Variants in RFC3 observed in about 807,000 individuals in gnomAD.
The protein encoded by RFC3 is A1 38 kDa subunit.
Under a neutral mutation model 45.1 loss-of-function variants are expected in RFC3, and 41 were observed. That is an observed-to-expected ratio of 0.91 (90% CI 0.71 to 1.18). RFC3 has a LOEUF of 1.18. RFC3 is among the 50% of genes most tolerant of loss of function. The pLI is 0.00. For missense variants in RFC3, 423 were observed against 428.1 expected (o/e 0.99, Z 0.10); for synonymous variants, 149 against 144.0 (o/e 1.03, Z -0.25).
intron 8 of RFC3, among the ~76,000 whole-genome samples, chr13:33,870,451 A>G (rs147411895): frequency 1.5e-3 from 234 of 152,338 alleles, no homozygotes; most frequent in Non-Finnish European, 3.0e-3. Context: ...AATATACAAC[A>G]TTTTGCAACA....
intron 8 of RFC3, among the ~76,000 whole-genome samples, chr13:33,843,227 A>G (rs987057442): frequency 7.3e-5 from 11 of 151,612 alleles, no homozygotes; most frequent in Non-Finnish European, 1.0e-4. Flanking sequence ...CCTGTTTACA[A>G]TTTCTATGGA....
At chr13:33,886,651 T>C (rs765465650) in intron 8 of RFC3, among the ~76,000 whole-genome samples, 1 of 145,974 alleles carries the variant, frequency 6.9e-6, no homozygotes, top group Admixed American at 7.7e-5. Context: ...ATTATTATTA[T>C]ACTTTAAGTT....
At chr13:33,829,542 C>G (rs1019776711) in intron 4 of RFC3, 2 of 297,234 alleles carry the variant, frequency 6.7e-6, no homozygotes, top group African/African-American at 4.4e-5. Flanking sequence ...TTTACTAGCC[C>G]TGCCAACGCA....
intron 8 of RFC3, among the ~76,000 whole-genome samples, chr13:33,960,203 A>G (rs757593097): frequency 2.0e-5 from 3 of 152,194 alleles, no homozygotes; most frequent in African/African-American, 7.2e-5. Context: ...AAACTATATC[A>G]GTAACCAAAA....
intron 2 of RFC3, among the ~76,000 whole-genome samples, chr13:33,821,993 A>G (rs2082007900): frequency 6.6e-6 from 1 of 152,196 alleles, no homozygotes; most frequent in Non-Finnish European, 1.5e-5. Context: ...TCATTTTCAT[A>G]TCCTTCATAT....
Position 33,828,754 on chromosome 13 carries a change from G to A in RFC3, c.392-1082G>A, listed in dbSNP as rs3135589. Among the ~76,000 whole-genome samples the A allele has an allele frequency of 4.7e-3, 715 of 152,270 alleles. 3 individuals carry two copies. The highest frequency in any genetic ancestry group is 0.017 in the Middle Eastern group (5 of 294). ...TTGCCCAGGCTAGTGTTGAATTCTT[G>A]GGCTCAAGGGATCTGCCTTCCTCAG... On this transcript the variant is annotated intron_variant, in intron 4 of 8. Coordinates refer to ENST00000380071, the MANE Select transcript of RFC3 (RefSeq NM_002915.4).
downstream of RFC3, among the ~76,000 whole-genome samples, chr13:33,840,717 T>TA (rs1348681201): frequency 6.6e-6 from 1 of 151,610 alleles, no homozygotes; most frequent in African/African-American, 2.4e-5. Flanking sequence ...AACAAAAAAT[T>TA]TTTTTGAGAC....
At chr13:33,873,059 A>G (rs2082422821) in intron 8 of RFC3, among the ~76,000 whole-genome samples, 1 of 152,216 alleles carries the variant, frequency 6.6e-6, no homozygotes, top group African/African-American at 2.4e-5. Context: ...AAAGATTTCT[A>G]TGAACCTAAT....
At chr13:33,906,401 G>A (rs1593682317) in intron 8 of RFC3, among the ~76,000 whole-genome samples, 1 of 152,086 alleles carries the variant, frequency 6.6e-6, no homozygotes, top group East Asian at 1.9e-4. Flanking sequence ...ATTGGATCCA[G>A]CTTTCCGGGA....
At chr13:33,948,623 C>G (rs765030280) in intron 8 of RFC3, among the ~76,000 whole-genome samples, 1 of 152,184 alleles carries the variant, frequency 6.6e-6, no homozygotes, top group Non-Finnish European at 1.5e-5. Context: ...GTGAATTCAG[C>G]CAGGAGAGGG....
At chr13:33,904,579 C>A (rs2082660746) in intron 8 of RFC3, among the ~76,000 whole-genome samples, 1 of 152,002 alleles carries the variant, frequency 6.6e-6, no homozygotes. Flanking sequence ...GTCAGAGGAA[C>A]CCTCCCGAAG....
In RFC3 at chr13:33,837,171, A is replaced by C. The variant is rs377306979; in HGVS notation, c.*876A>C. The C allele has an allele frequency of 1.7e-6, 1 of 574,440 alleles. No individual in the cohort carries two copies. 35.6% of individuals were successfully genotyped at this position (574,440 alleles called of 1,614,324 possible). Reference sequence around the variant, plus strand: ...GACCAGTGAAACTATGATCCCAATCAAGGTATAGATGCCGTCACCCCAAAA... The same window carrying C: ...GACCAGTGAAACTATGATCCCAATCCAGGTATAGATGCCGTCACCCCAAAA... On this transcript the variant is annotated 3_prime_UTR_variant, in exon 9 of 9. Coordinates refer to ENST00000380071, the MANE Select transcript of RFC3 (RefSeq NM_002915.4).
intron 1 of RFC3, 21 bp from the exon 2 acceptor site, chr13:33,821,111 T>G (rs2081998754): frequency 1.2e-6 from 2 of 1,612,476 alleles, no homozygotes; most frequent in African/African-American, 2.7e-5. Context: ...TAGGGAAAAA[T>G]GCCTTGTTCT....
chr13:33,842,437 A>G (rs190456180), downstream of RFC3, among the ~76,000 whole-genome samples: 1 of 152,344 alleles, frequency 6.6e-6, no homozygotes, highest in East Asian at 1.9e-4. Context: ...TCCAGACTGT[A>G]TCTGCTACTT....
chr13:33,852,301 C>T (rs954776883), intron 8 of RFC3, among the ~76,000 whole-genome samples: 1 of 152,170 alleles, frequency 6.6e-6, no homozygotes, highest in Non-Finnish European at 1.5e-5. Context: ...AGTGAACCTA[C>T]TTGACGTGGC....
chr13:33,954,410 CTTCCTT>C (rs2083008561), intron 8 of RFC3, among the ~76,000 whole-genome samples: 1 of 152,182 alleles, frequency 6.6e-6, no homozygotes, highest in Non-Finnish European at 1.5e-5. Flanking sequence ...CAACAGAGGT[CTTCCTT>C]TACAGTGCTT....
chr13:33,859,703 CA>C (rs2082328615), intron 8 of RFC3, among the ~76,000 whole-genome samples: 1 of 152,008 alleles, frequency 6.6e-6, no homozygotes, highest in Non-Finnish European at 1.5e-5. Flanking sequence ...CATATATTTA[CA>C]GTTTGAAATA....
At chr13:33,869,393 G>C (rs1566009445) in intron 8 of RFC3, among the ~76,000 whole-genome samples, 1 of 56,798 alleles carries the variant, frequency 1.8e-5, no homozygotes, top group African/African-American at 3.6e-5. Flanking sequence ...AAACTGTGTA[G>C]ATTTTTTTTT....
chr13:33,930,278 C>CA (rs1169127710), intron 8 of RFC3, among the ~76,000 whole-genome samples: 3 of 152,060 alleles, frequency 2.0e-5, no homozygotes, highest in African/African-American at 7.2e-5. Context: ...AGTTGAAGTC[C>CA]CAAAACCTCA....
Sources: allele counts gnomAD v4.1 joint callset (sites outside exome capture counted in the v4.1 genomes callset), GRCh38; gene constraint gnomAD v4.1.1; transcripts MANE v1.5; gene names NCBI Gene and HGNC (gene_info 2026-07-23, HGNC 2026-07-21).